Variants in PPP1R12B observed in about 807,000 individuals in gnomAD.
PPP1R12B encodes the protein protein phosphatase 1 regulatory subunit 12B.
In PPP1R12B, 76 loss-of-function variants were observed where a neutral mutation model predicts 126.1. The observed-to-expected ratio is 0.60, with a 90% CI of 0.50 to 0.73. PPP1R12B has a LOEUF of 0.73. Ranked by LOEUF, PPP1R12B falls within the 30% of genes least tolerant of loss-of-function variation. The pLI, the probability that PPP1R12B is intolerant of heterozygous loss-of-function variation, is 0.00. For missense variants in PPP1R12B, 1,052 were observed against 1,205.1 expected (o/e 0.87, Z 1.88); for synonymous variants, 356 against 434.7 (o/e 0.82, Z 2.25).
At chr1:202,511,141 T>G (rs1434209226) in intron 18 of PPP1R12B, among the ~76,000 whole-genome samples, 1 of 150,216 alleles carries the variant, frequency 6.7e-6, no homozygotes, top group African/African-American at 2.4e-5. Context: ...TTTGGTTACA[T>G]GAATAAATTC....
chr1:202,349,255 A>T, intron 1 of PPP1R12B, 113 bp downstream of exon 1: 3 of 1,275,890 alleles, frequency 2.4e-6, no homozygotes, highest in South Asian at 1.4e-5. Context: ...CTGCATGGAC[A>T]CTGCCCTTTT....
At chr1:202,413,416 T>C (rs1204427138) in intron 1 of PPP1R12B, among the ~76,000 whole-genome samples, 11 of 152,196 alleles carry the variant, frequency 7.2e-5, no homozygotes, top group Admixed American at 1.3e-4. Context: ...AAGGGCCCTC[T>C]AGAGTTCTAA....
At chr1:202,552,180 G>A (rs546814022) in intron 18 of PPP1R12B, among the ~76,000 whole-genome samples, 4 of 152,288 alleles carry the variant, frequency 2.6e-5, no homozygotes, top group African/African-American at 9.6e-5. Context: ...CATTATCATT[G>A]CCCTCTACTG....
chr1:202,560,772 A>C (rs1687436401), intron 19 of PPP1R12B, among the ~76,000 whole-genome samples: 1 of 152,222 alleles, frequency 6.6e-6, no homozygotes, highest in Admixed American at 6.5e-5. Flanking sequence ...TGTGGTTCAA[A>C]TGTCTCTGAC....
intron 3 of PPP1R12B, among the ~76,000 whole-genome samples, chr1:202,423,838 C>T (rs1372864685): frequency 1.3e-5 from 2 of 152,030 alleles, no homozygotes; most frequent in African/African-American, 4.8e-5. Context: ...TGTGCACCAC[C>T]ATGCCTGGCT....
chr1:202,473,408 T>C (rs1676195401), intron 13 of PPP1R12B, among the ~76,000 whole-genome samples: 1 of 152,244 alleles, frequency 6.6e-6, no homozygotes, highest in South Asian at 2.1e-4. Context: ...TATCTGTCTC[T>C]TCACAGCTGT....
chr1:202,563,626 TAAAAAAAAAA>T (rs56149958), intron 20 of PPP1R12B, among the ~76,000 whole-genome samples: 2 of 120,392 alleles, frequency 1.7e-5, no homozygotes, highest in Non-Finnish European at 3.6e-5. Flanking sequence ...TTGGTGTTAG[TAAAAAAAAAA>T]AAAAAAAAGA....
At chr1:202,552,096 T>C (rs2148987890) in intron 18 of PPP1R12B, among the ~76,000 whole-genome samples, 1 of 152,368 alleles carries the variant, frequency 6.6e-6, no homozygotes, top group Non-Finnish European at 1.5e-5. Flanking sequence ...AAATTTTGTT[T>C]TGGCAGCAAT....
chr1:202,504,116 C>T (rs554265342), intron 18 of PPP1R12B, among the ~76,000 whole-genome samples: 68 of 152,128 alleles, frequency 4.5e-4, no homozygotes, highest in African/African-American at 1.5e-3. Flanking sequence ...CTCTTGAGGC[C>T]GGCCGTAGTG....
At chr1:202,543,858 C>G (rs929499982) in intron 18 of PPP1R12B, among the ~76,000 whole-genome samples, 10 of 152,256 alleles carry the variant, frequency 6.6e-5, no homozygotes, top group Admixed American at 5.2e-4. Flanking sequence ...GTGGTATGCT[C>G]CTAATATTGC....
rs1688980116 is a variant in PPP1R12B at position 202,575,139 on chromosome 1, C to T, written c.2863-5335C>T. ...CCTCGGACACCCAGGAGCTCTAGTT[C>T]TTGCCCCTACTCTCCAACTCACTTC... On this transcript the variant is annotated intron_variant, in intron 23 of 23. Coordinates refer to ENST00000608999, the MANE Select transcript of PPP1R12B (RefSeq NM_002481.4). The T allele has an allele frequency of 1.9e-6, 3 of 1,612,266 alleles. No individual in the cohort carries two copies. The East Asian group carries it at 6.7e-5, about 36-fold the overall frequency.
chr1:202,484,700 C>T (rs1408564820), intron 13 of PPP1R12B, among the ~76,000 whole-genome samples: 1 of 152,124 alleles, frequency 6.6e-6, no homozygotes, highest in Admixed American at 6.5e-5. Flanking sequence ...TCAGCTTTTG[C>T]TTGTCTGGGA....
intron 1 of PPP1R12B, among the ~76,000 whole-genome samples, chr1:202,364,174 G>C (rs943368680): frequency 2.6e-5 from 4 of 152,080 alleles, no homozygotes; most frequent in African/African-American, 9.7e-5. Context: ...ACTTCTGCTT[G>C]ATATTCTTTT....
At position 202,476,682 on chromosome 1, in the gene PPP1R12B, C is replaced by CA. The variant is rs755720362; in HGVS notation, c.1851-11836dup. On this transcript the variant is annotated intron_variant, in intron 13 of 23. Transcript: ENST00000608999. ...TGGGAGACGGAGCAAGACTCTGTCT[C>CA]AAAAAAAAAAAAAAATTTTTTTTTA... 8.5e-3 allele frequency among the ~76,000 whole-genome samples: 1,042 copies of CA among 122,266 alleles called. 8 individuals carry two copies. Among genetic ancestry groups the CA allele is most frequent in the Admixed American group, 0.012 (141 of 11,936 alleles). 80.2% of individuals were successfully genotyped at this position (122,266 alleles called of 152,430 possible).
At chr1:202,472,331 C>G (rs1676039844) in intron 13 of PPP1R12B, among the ~76,000 whole-genome samples, 1 of 151,890 alleles carries the variant, frequency 6.6e-6, no homozygotes, top group South Asian at 2.1e-4. Context: ...GTTTCTTGAG[C>G]TGTCTTGTTA....
At chr1:202,482,582 TC>T (rs1212341579) in intron 13 of PPP1R12B, among the ~76,000 whole-genome samples, 2 of 152,176 alleles carry the variant, frequency 1.3e-5, no homozygotes, top group East Asian at 3.8e-4. Context: ...ATTTTTAAAA[TC>T]AGGTTTTTGT....
At chr1:202,509,149 A>C (rs1572333021) in intron 18 of PPP1R12B, among the ~76,000 whole-genome samples, 2 of 152,252 alleles carry the variant, frequency 1.3e-5, no homozygotes, top group South Asian at 2.1e-4. Context: ...CATAACTCCA[A>C]ATGTCAATTT....
chr1:202,499,137 C>T (rs919969379), intron 18 of PPP1R12B, among the ~76,000 whole-genome samples: 5 of 152,192 alleles, frequency 3.3e-5, no homozygotes, highest in African/African-American at 1.2e-4. Flanking sequence ...CACCTTAAAA[C>T]GTTTCATCAT....
At chr1:202,445,022 A>C in intron 12 of PPP1R12B, 1 of 1,247,106 alleles carries the variant, frequency 8.0e-7, no homozygotes, top group Non-Finnish European at 1.0e-6. Flanking sequence ...GTCCTGAAGA[A>C]AGTGACTGTG....
Sources: gnomAD v4.1 joint callset for allele counts (sites outside exome capture counted in the v4.1 genomes callset) on GRCh38, gnomAD v4.1.1 for gene constraint, MANE v1.5 for transcripts, NCBI Gene and HGNC (gene_info 2026-07-23, HGNC 2026-07-21) for gene names.